The following CSMD1 variants were observed in gnomAD, a reference collection of about 807,000 sequenced individuals.
CSMD1 encodes CUB and sushi domain-containing protein 1.
Under a neutral mutation model 417.5 loss-of-function variants are expected in CSMD1, and 213 were observed. The observed-to-expected ratio is 0.51, with a 90% CI of 0.46 to 0.57. CSMD1 has a LOEUF of 0.57. Ranked by LOEUF, CSMD1 falls within the 20% of genes least tolerant of loss-of-function variation. The pLI is 0.00. For synonymous variants in CSMD1, 2,862 were observed against 1,736.8 expected (o/e 1.65, Z -16.11); for missense variants, 6,923 against 4,529.7 (o/e 1.53, Z -15.17).
At position 4,017,148 on chromosome 8, in the gene CSMD1, C is replaced by A. The variant is rs916882370; in HGVS notation, c.610+14757G>T. ...CTCCATGCAATTGTACATATCTACC[C>A]CTGCAATACACTTTTGTGTATGTTG... On this transcript the variant is annotated intron_variant, in intron 4 of 69. Coordinates refer to ENST00000635120, the MANE Select transcript of CSMD1 (RefSeq NM_033225.6). Among the ~76,000 whole-genome samples, 3 of 152,274 alleles carry A rather than the reference C, an allele frequency of 2.0e-5. No individual in the cohort carries two copies. In the South Asian group the frequency reaches 6.2e-4, roughly 32 times the overall value.
At chr8:3,651,778 C>A (rs1203398592) in intron 7 of CSMD1, among the ~76,000 whole-genome samples, 1 of 151,562 alleles carries the variant, frequency 6.6e-6, no homozygotes, top group Non-Finnish European at 1.5e-5. Flanking sequence ...GCGCCTACCA[C>A]CATCAGAGCA....
At chr8:3,911,928 T>C (rs901684773) in intron 5 of CSMD1, among the ~76,000 whole-genome samples, 1 of 152,214 alleles carries the variant, frequency 6.6e-6, no homozygotes, top group Non-Finnish European at 1.5e-5. Flanking sequence ...TTCTCCTCTA[T>C]GTGTTTTCCC....
At chr8:3,317,137 A>T (rs1805826348) in intron 23 of CSMD1, among the ~76,000 whole-genome samples, 1 of 152,186 alleles carries the variant, frequency 6.6e-6, no homozygotes, top group South Asian at 2.1e-4. Flanking sequence ...GGGAGAGGTG[A>T]GGGAGGAAGA....
intron 26 of CSMD1, among the ~76,000 whole-genome samples, chr8:3,245,758 G>A (rs1799841501): frequency 6.6e-6 from 1 of 152,294 alleles, no homozygotes. Context: ...ATCTAGAACG[G>A]ACTATGTGTT....
chr8:3,501,703 T>A (rs868466429), intron 10 of CSMD1, among the ~76,000 whole-genome samples: 2 of 152,150 alleles, frequency 1.3e-5, no homozygotes, highest in Non-Finnish European at 2.9e-5. Flanking sequence ...ATAAAAAACA[T>A]GATAACAAGT....
At chr8:3,643,324 A>C (rs1797399509) in intron 7 of CSMD1, among the ~76,000 whole-genome samples, 1 of 152,130 alleles carries the variant, frequency 6.6e-6, no homozygotes, top group Admixed American at 6.5e-5. Flanking sequence ...GGTGAAAAAA[A>C]ATGAGAGAAA....
At chr8:3,998,891 T>A (rs1018694334) in intron 4 of CSMD1, among the ~76,000 whole-genome samples, 2 of 149,544 alleles carry the variant, frequency 1.3e-5, no homozygotes, top group Non-Finnish European at 3.0e-5. Flanking sequence ...TAACATATAA[T>A]CTATATGGTA....
intron 1 of CSMD1, among the ~76,000 whole-genome samples, chr8:4,988,278 C>A (rs1308239184): frequency 6.6e-6 from 1 of 152,142 alleles, no homozygotes; most frequent in Non-Finnish European, 1.5e-5. Flanking sequence ...AAATTATGAG[C>A]ATTAAGATGC....
intron 1 of CSMD1, among the ~76,000 whole-genome samples, chr8:4,950,318 T>G (rs1469471678): frequency 6.6e-6 from 1 of 152,172 alleles, no homozygotes; most frequent in South Asian, 2.1e-4. Flanking sequence ...TTTTCTCAAG[T>G]GACATTTGCA....
At chr8:3,972,714 T>C (rs979813950) in intron 5 of CSMD1, among the ~76,000 whole-genome samples, 2 of 152,248 alleles carry the variant, frequency 1.3e-5, no homozygotes, top group Admixed American at 6.5e-5. Context: ...TTTTCAACAC[T>C]ACTTGTGGGA....
intron 10 of CSMD1, among the ~76,000 whole-genome samples, chr8:3,567,354 C>G (rs1424001010): frequency 1.3e-5 from 2 of 151,834 alleles, no homozygotes; most frequent in Non-Finnish European, 2.9e-5. Flanking sequence ...ATCTGTACAA[C>G]AAACCACCAT....
chr8:4,872,437 C>T (rs1490317601), intron 1 of CSMD1, among the ~76,000 whole-genome samples: 3 of 152,084 alleles, frequency 2.0e-5, no homozygotes, highest in South Asian at 2.1e-4. Context: ...TGAAGTCTGA[C>T]GGTTTTATAA....
At chr8:4,903,759 G>T (rs1585297341) in intron 1 of CSMD1, among the ~76,000 whole-genome samples, 1 of 152,178 alleles carries the variant, frequency 6.6e-6, no homozygotes, top group Non-Finnish European at 1.5e-5. Flanking sequence ...GGAAAGGTGA[G>T]AGGAGAAGGA....
intron 1 of CSMD1, among the ~76,000 whole-genome samples, chr8:4,769,585 G>A (rs1336088539): frequency 1.3e-5 from 2 of 152,102 alleles, no homozygotes; most frequent in African/African-American, 4.8e-5. Context: ...TGCAAAATAA[G>A]CATTGTAAAT....
intron 12 of CSMD1, among the ~76,000 whole-genome samples, chr8:3,452,843 G>A (rs578209210): frequency 1.3e-5 from 2 of 152,202 alleles, no homozygotes; most frequent in African/African-American, 4.8e-5. Context: ...AAATGAGTTA[G>A]GGAGGATTCC....
chr8:3,309,738 T>A (rs529863464), intron 23 of CSMD1, among the ~76,000 whole-genome samples: 77 of 152,344 alleles, frequency 5.1e-4, no homozygotes, highest in Admixed American at 1.3e-3. Context: ...AATTTGTGAC[T>A]TCTGCTACAT....
chr8:4,605,880 G>A (rs1256587516), intron 2 of CSMD1, among the ~76,000 whole-genome samples: 1 of 152,146 alleles, frequency 6.6e-6, no homozygotes, highest in Non-Finnish European at 1.5e-5. Context: ...TGAGGCTGGA[G>A]TAGAGACATT....
In CSMD1 at chr8:4,355,015, C is replaced by A. The variant is rs193200163; in HGVS notation, c.415+64938G>T. ...CGGTGGCTCACGCCTGTAATCCCAG[C>A]ACTTTGGGAGGCCGAGGCGGGCGGA... On this transcript the variant is annotated intron_variant, in intron 3 of 69. Transcript: ENST00000635120. Among the ~76,000 whole-genome samples, 592 of 152,070 alleles carry A rather than the reference C, an allele frequency of 3.9e-3. 5 individuals carry two copies. The highest frequency in any genetic ancestry group is 0.014 in the African/African-American group (568 of 41,484).
chr8:3,825,482 TAAAC>T (rs1802004332), intron 5 of CSMD1, among the ~76,000 whole-genome samples: 1 of 151,948 alleles, frequency 6.6e-6, no homozygotes, highest in South Asian at 2.1e-4. Flanking sequence ...TGAGCCAAGA[TAAAC>T]AAATAAACAA....
Sources: gnomAD v4.1 joint callset for allele counts (sites outside exome capture counted in the v4.1 genomes callset) on GRCh38, gnomAD v4.1.1 for gene constraint, MANE v1.5 for transcripts, NCBI Gene and HGNC (gene_info 2026-07-23, HGNC 2026-07-21) for gene names.